The following RGL1 variants were observed in gnomAD, a reference collection of about 807,000 sequenced individuals.
The protein encoded by RGL1 is ral guanine nucleotide dissociation stimulator like 1.
A neutral mutation model predicts 95.2 loss-of-function variants in RGL1; 24 were observed. The ratio of observed to expected loss-of-function variants is 0.25; its 90% CI spans 0.18 to 0.35. The LOEUF (loss-of-function observed/expected upper bound fraction) is 0.35, where lower values mean the gene tolerates loss of function less well. RGL1 is among the 10% of genes least tolerant of loss of function. The pLI is 1.00. For missense variants in RGL1, 715 were observed against 936.3 expected (o/e 0.76, Z 3.08); for synonymous variants, 329 against 344.9 (o/e 0.95, Z 0.51).
intron 1 of RGL1, among the ~76,000 whole-genome samples, chr1:183,688,458 G>A (rs527487487): frequency 1.3e-5 from 2 of 148,404 alleles, no homozygotes; most frequent in African/African-American, 4.9e-5. Flanking sequence ...ATCTACTGAA[G>A]AGAGAGAGAG....
At chr1:183,839,714 C>G (rs1663906786) in intron 2 of RGL1, among the ~76,000 whole-genome samples, 2 of 152,184 alleles carry the variant, frequency 1.3e-5, no homozygotes. Flanking sequence ...AGCATGCAAC[C>G]TAAGTCCTCC....
chr1:183,853,770 T>C (rs1000360607), intron 3 of RGL1, among the ~76,000 whole-genome samples: 1 of 151,998 alleles, frequency 6.6e-6, no homozygotes, highest in African/African-American at 2.4e-5. Context: ...CCTTTCTGAC[T>C]TGGAAGCTCT....
At chr1:183,838,789 T>C (rs1663837745) in intron 2 of RGL1, among the ~76,000 whole-genome samples, 1 of 152,192 alleles carries the variant, frequency 6.6e-6, no homozygotes, top group African/African-American at 2.4e-5. Context: ...GCTGATAAAC[T>C]GGCCCTCCAA....
At chr1:183,854,365 T>C (rs1326851971) in intron 3 of RGL1, among the ~76,000 whole-genome samples, 2 of 152,040 alleles carry the variant, frequency 1.3e-5, no homozygotes, top group South Asian at 2.1e-4. Context: ...GGATAGCAAA[T>C]GAGAGAGCAC....
intron 2 of RGL1, among the ~76,000 whole-genome samples, chr1:183,771,735 C>A (rs1450378497): frequency 6.6e-6 from 1 of 152,312 alleles, no homozygotes; most frequent in East Asian, 1.9e-4. Flanking sequence ...TCCACCCCCA[C>A]GGACCTAGGT....
chr1:183,742,771 T>G (rs1572356258), intron 2 of RGL1, among the ~76,000 whole-genome samples: 2 of 151,670 alleles, frequency 1.3e-5, no homozygotes, highest in Middle Eastern at 6.8e-3. Context: ...GAGAGAGAGA[T>G]GCTATTATTC....
chr1:183,916,305 T>G, intron 15 of RGL1, 142 bp from the exon 16 acceptor site: 167 of 972,564 alleles, frequency 1.7e-4, no homozygotes, highest in Non-Finnish European at 2.4e-4. Flanking sequence ...ACACCAGGGA[T>G]GAGACACATG....
chr1:183,752,674 TTCTCTCTC>T (rs71130636), intron 2 of RGL1, among the ~76,000 whole-genome samples: 4 of 31,316 alleles, frequency 1.3e-4, no homozygotes, highest in Admixed American at 3.5e-4. Flanking sequence ...CTTTCTCTCT[TTCTCTCTC>T]TCTCTCTCTC....
rs533053929 is a variant in RGL1, at chr1:183,813,198, G to A, written c.138+6713G>A. Among the ~76,000 whole-genome samples, 3 of 152,254 alleles carry A rather than the reference G, an allele frequency of 2.0e-5. No homozygotes were observed. The South Asian group carries it at 6.2e-4, about 32-fold the overall frequency. ...GGTAGGTGGGGATGAGTGTAGGCGG[G>A]GCACAGGGCGAGGATTCCTGGCAGG... On this transcript the variant is annotated intron_variant, in intron 2 of 17. Transcript: ENST00000360851.
At chr1:183,847,832 G>A (rs1664547145) in intron 3 of RGL1, 58 bp downstream of exon 3, 8 of 1,367,900 alleles carry the variant, frequency 5.8e-6, no homozygotes, top group South Asian at 4.8e-5. Context: ...ATGGAGTGGA[G>A]CACGAGGTTC....
chr1:183,636,666 C>G (rs6681661), intron 1 of RGL1, among the ~76,000 whole-genome samples: 10,435 of 152,062 alleles, frequency 0.069, 627 homozygotes, highest in African/African-American at 0.16. Context: ...AGGTTAGGCT[C>G]TCTAGTGCTG....
chr1:183,700,796 G>A (rs1201282128), intron 1 of RGL1, among the ~76,000 whole-genome samples: 10 of 152,012 alleles, frequency 6.6e-5, no homozygotes, highest in African/African-American at 2.2e-4. Context: ...CGCCCACCTC[G>A]GCCTTCCAAA....
At chr1:183,818,729 T>C (rs1662252299) in intron 2 of RGL1, among the ~76,000 whole-genome samples, 1 of 152,234 alleles carries the variant, frequency 6.6e-6, no homozygotes, top group Non-Finnish European at 1.5e-5. Context: ...TCTTATAAAT[T>C]GTTTGGCCTT....
At chr1:183,652,722 T>A (rs1365051460) in intron 1 of RGL1, among the ~76,000 whole-genome samples, 1 of 152,216 alleles carries the variant, frequency 6.6e-6, no homozygotes, top group African/African-American at 2.4e-5. Context: ...ACTTCCTGCC[T>A]AGCCCTTTTC....
At chr1:183,789,441 T>C (rs950273776) in intron 2 of RGL1, among the ~76,000 whole-genome samples, 4 of 152,062 alleles carry the variant, frequency 2.6e-5, no homozygotes, top group African/African-American at 9.7e-5. Flanking sequence ...CGAGTGAAAC[T>C]CTGTCTCAAA....
At chr1:183,875,516 G>A (rs372054218) in intron 4 of RGL1, among the ~76,000 whole-genome samples, 1 of 152,098 alleles carries the variant, frequency 6.6e-6, no homozygotes, top group African/African-American at 2.4e-5. Flanking sequence ...TTATCTCTCA[G>A]CCAAGGTGCA....
intron 1 of RGL1, among the ~76,000 whole-genome samples, chr1:183,655,816 C>G (rs1056626729): frequency 6.6e-6 from 1 of 152,180 alleles, no homozygotes; most frequent in Non-Finnish European, 1.5e-5. Flanking sequence ...TTAAAAATGA[C>G]TCCTAAAACT....
At chr1:183,767,722 G>T (rs1460987750) in intron 2 of RGL1, among the ~76,000 whole-genome samples, 2 of 152,204 alleles carry the variant, frequency 1.3e-5, no homozygotes, top group African/African-American at 2.4e-5. Flanking sequence ...TGAGGCCGAG[G>T]TGGGCAGATC....
At chr1:183,892,422 T>A (rs751054510) in intron 9 of RGL1, among the ~76,000 whole-genome samples, 3 of 152,160 alleles carry the variant, frequency 2.0e-5, no homozygotes, top group Non-Finnish European at 4.4e-5. Context: ...CATATGTGTA[T>A]GTACCTCCTT....
Sources: gnomAD v4.1 joint callset for allele counts (sites outside exome capture counted in the v4.1 genomes callset) on GRCh38, gnomAD v4.1.1 for gene constraint, MANE v1.5 for transcripts, NCBI Gene and HGNC (gene_info 2026-07-23, HGNC 2026-07-21) for gene names.